The following ARHGAP39 variants were observed in gnomAD, a reference collection of about 807,000 sequenced individuals.
ARHGAP39 encodes the protein Rho GTPase activating protein 39.
A neutral mutation model predicts 106.9 loss-of-function variants in ARHGAP39; 44 were observed. The observed-to-expected ratio is 0.41, with a 90% confidence interval of 0.32 to 0.53. The LOEUF (loss-of-function observed/expected upper bound fraction) is 0.53, where lower values mean the gene tolerates loss of function less well. Ranked by LOEUF, ARHGAP39 falls within the 20% of genes least tolerant of loss-of-function variation. ARHGAP39 has a pLI of 0.21. For missense variants in ARHGAP39, 1,496 were observed against 1,577.3 expected (o/e 0.95, Z 0.87); for synonymous variants, 768 against 693.2 (o/e 1.11, Z -1.69).
At position 144,627,253 on chromosome 8, in the gene ARHGAP39, A is replaced by G. The variant is rs924144628; in HGVS notation, c.-81-21558T>C. On this transcript the variant is annotated intron_variant, in intron 1 of 11. Transcript: ENST00000377307. ...CAGCTGGTTGACCTTCCAGGCCACAATGCAAGAAAGGGGGTCCACTGGCCG... is the reference window on the plus strand; with the variant it reads ...CAGCTGGTTGACCTTCCAGGCCACAGTGCAAGAAAGGGGGTCCACTGGCCG... Among the ~76,000 whole-genome samples, 4 of 152,200 alleles carry G rather than the reference A, an allele frequency of 2.6e-5. 1 individual carries two copies. The highest frequency in any genetic ancestry group is 4.1e-4 in the South Asian group (2 of 4,830).
intron 6 of ARHGAP39, among the ~76,000 whole-genome samples, chr8:144,538,284 T>A (rs1817046196): frequency 6.6e-6 from 1 of 152,198 alleles, no homozygotes; most frequent in Admixed American, 6.5e-5. Context: ...CTGATCTGGG[T>A]CTGCCTCCCG....
chr8:144,694,872 C>T, the ARHGAP39 span, among the ~76,000 whole-genome samples: 1 of 152,062 alleles, frequency 6.6e-6, no homozygotes, highest in African/African-American at 2.4e-5. Flanking sequence ...GCAGGGATGT[C>T]GTAGGCAGGA....
At chr8:144,613,584 T>A (rs1820550905) in intron 1 of ARHGAP39, among the ~76,000 whole-genome samples, 1 of 152,168 alleles carries the variant, frequency 6.6e-6, no homozygotes, top group Non-Finnish European at 1.5e-5. Flanking sequence ...GTCATCTGTG[T>A]CTTTGTTCCT....
intron 3 of ARHGAP39, among the ~76,000 whole-genome samples, chr8:144,563,342 A>C (rs1818274788): frequency 6.6e-6 from 1 of 152,242 alleles, no homozygotes; most frequent in Non-Finnish European, 1.5e-5. Context: ...TTTGTCAGAA[A>C]TCAATGATAA....
At chr8:144,553,340 G>C (rs1586897703) in intron 4 of ARHGAP39, among the ~76,000 whole-genome samples, 1 of 152,196 alleles carries the variant, frequency 6.6e-6, no homozygotes, top group South Asian at 2.1e-4. Context: ...GGCAGATTCA[G>C]CTGGGTGCCT....
rs992149212 is a variant in ARHGAP39 at position 144,588,094 on chromosome 8, C to T, written c.81-6817G>A. Among the ~76,000 whole-genome samples the T allele has an allele frequency of 6.4e-4, 98 of 152,216 alleles. 1 individual carries two copies. The highest frequency in any genetic ancestry group is 9.8e-4 in the Admixed American group (15 of 15,282). On this transcript the variant is annotated intron_variant, in intron 2 of 11. Coordinates refer to ENST00000377307, the MANE Select transcript of ARHGAP39 (RefSeq NM_025251.3). ...ACGGAAACAGCTGGGGTAGACAGAG[C>T]CAGTGACGCTGCTGGCAGGGACACG... is the stretch of plus-strand genomic sequence containing the variant.
In ARHGAP39 at chr8:144,533,326, C is replaced by T. The variant is rs1477212178; in HGVS notation, c.2689-1G>A. On this transcript the variant is annotated splice_acceptor_variant, in intron 8 of 11. Transcript: ENST00000377307. LOFTEE classifies it high-confidence loss of function. ...CCTCCACGTTGGGCTTCTTCAGCCC[C>T]TGTGAAGACAGAGGCTCCGTCCTGG... is the stretch of plus-strand genomic sequence containing the variant. 6.2e-7 allele frequency: 1 copy of T among 1,612,268 alleles called. No individual in the cohort carries two copies. The highest frequency in any genetic ancestry group is 8.5e-7 in the Non-Finnish European group (1 of 1,179,630).
In ARHGAP39 at chr8:144,533,231, C is replaced by A; in HGVS notation, c.2783G>T (p.Gly928Val). 1.2e-6 allele frequency: 2 copies of A among 1,613,086 alleles called. No homozygotes were observed. Among genetic ancestry groups the A allele is most frequent in the Non-Finnish European group, 1.7e-6 (2 of 1,179,990 alleles). The change falls in exon 9 of 12, where the codon GGC (glycine) becomes GTC (valine). Residue 928 changes from glycine (G) to valine (V), a missense_variant. Transcript: ENST00000377307. Reference protein sequence around the residue: ...MFGSALQEVMGMQRERYPERQ... With the variant: ...MFGSALQEVMVMQRERYPERQ... Reference sequence around the variant, plus strand: ...CTCGGGGTAGCGCTCTCTCTGCATGCCCATGACCTCCTGCAGTGCGCTGCC... The same window carrying A: ...CTCGGGGTAGCGCTCTCTCTGCATGACCATGACCTCCTGCAGTGCGCTGCC...
Position 144,604,402 on chromosome 8 carries a change from G to T in ARHGAP39, c.80+1133C>A, listed in dbSNP as rs1165831311. On this transcript the variant is annotated intron_variant, in intron 2 of 11. Coordinates refer to ENST00000377307, the MANE Select transcript of ARHGAP39 (RefSeq NM_025251.3). This position sits in a 1 kb window ranked among gnomAD's most constrained non-coding sequence, Gnocchi z 4.1. ...TTTTACTTTATTTACTGTGACACGG[G>T]GGTCTCACGCAGTCGCTCAGGCCAG... is the stretch of plus-strand genomic sequence containing the variant. Among the ~76,000 whole-genome samples the T allele has an allele frequency of 3.9e-5, 6 of 152,128 alleles. No individual in the cohort carries two copies. Among genetic ancestry groups the T allele is most frequent in the Admixed American group, 2.0e-4 (3 of 15,272 alleles).
intron 2 of ARHGAP39, among the ~76,000 whole-genome samples, chr8:144,597,618 A>ATCCCGG (rs1819671153): frequency 1.3e-5 from 2 of 152,202 alleles, no homozygotes; most frequent in South Asian, 4.1e-4. Context: ...CAAGACTGTA[A>ATCCCGG]TCAATGGGGC....
At position 144,560,429 on chromosome 8, in the gene ARHGAP39, C is replaced by T. The variant is rs150482016; in HGVS notation, c.513-4786G>A. Among the ~76,000 whole-genome samples, 1,141 of 152,072 alleles carry T rather than the reference C, an allele frequency of 7.5e-3. 8 individuals are homozygous for T. The highest frequency in any genetic ancestry group is 0.026 in the African/African-American group (1,083 of 41,472). On this transcript the variant is annotated intron_variant, in intron 3 of 11. Coordinates refer to ENST00000377307, the MANE Select transcript of ARHGAP39 (RefSeq NM_025251.3). ...CAGCCTGGGCAACAAAACGAGACTC[C>T]GTCTCAAAAAAACAAAACAAAATAA...
the ARHGAP39 span, among the ~76,000 whole-genome samples, chr8:144,696,497 T>C: frequency 6.6e-6 from 1 of 152,322 alleles, no homozygotes; most frequent in African/African-American, 2.4e-5. Flanking sequence ...CATACAAGTC[T>C]TTTTCATTTT....
chr8:144,671,590 G>A lies in ARHGAP39; in HGVS notation c.-82+14096C>T, dbSNP rs962775576. ...CCGGCTCCGGCCACACATCCCTCCC[G>A]CCTGAGGCTCTTTCTGTGCCTGGTG... On this transcript the variant is annotated intron_variant, in intron 1 of 11. Coordinates refer to ENST00000377307, the MANE Select transcript of ARHGAP39 (RefSeq NM_025251.3). The surrounding 1 kb of genome is among the most constrained non-coding windows in gnomAD (Gnocchi z 4.5). Among the ~76,000 whole-genome samples, 1 of 152,156 alleles carries A rather than the reference G, an allele frequency of 6.6e-6. No homozygotes were observed. The highest frequency in any genetic ancestry group is 1.5e-5 in the Non-Finnish European group (1 of 68,022).
chr8:144,567,017 G>A (rs1325780697), intron 3 of ARHGAP39, among the ~76,000 whole-genome samples: 2 of 152,102 alleles, frequency 1.3e-5, no homozygotes, highest in East Asian at 1.9e-4. Context: ...CCCAGCAAAA[G>A]TAGCTTTCAA....
chr8:144,636,551 G>A (rs577316859), intron 1 of ARHGAP39, among the ~76,000 whole-genome samples: 1 of 152,336 alleles, frequency 6.6e-6, no homozygotes, highest in African/African-American at 2.4e-5. Flanking sequence ...CAGGAGGGCG[G>A]GACGCCTGGT....
chr8:144,619,158 C>A (rs1054372462), intron 1 of ARHGAP39, among the ~76,000 whole-genome samples: 1 of 152,212 alleles, frequency 6.6e-6, no homozygotes, highest in Non-Finnish European at 1.5e-5. Flanking sequence ...GGGCAACAGG[C>A]GCTTGCTTCC....
chr8:144,578,995 G>A (rs1238681894), intron 3 of ARHGAP39, among the ~76,000 whole-genome samples: 1 of 151,902 alleles, frequency 6.6e-6, no homozygotes, highest in Non-Finnish European at 1.5e-5. Context: ...GAGGTCAGGA[G>A]ATCAAGACCA....
intron 3 of ARHGAP39, among the ~76,000 whole-genome samples, chr8:144,567,557 C>G (rs113253652): frequency 0.042 from 6,404 of 150,908 alleles, 418 homozygotes; most frequent in African/African-American, 0.14. Flanking sequence ...GGCCTGACAT[C>G]AGTCAGGCTC....
upstream of ARHGAP39, among the ~76,000 whole-genome samples, chr8:144,688,587 A>G (rs1586660985): frequency 6.6e-6 from 1 of 152,344 alleles, no homozygotes; most frequent in East Asian, 1.9e-4. Context: ...GTCTACAAAA[A>G]GAAATTTTAA....
Sources: allele counts gnomAD v4.1 joint callset (sites outside exome capture counted in the v4.1 genomes callset), GRCh38; gene constraint gnomAD v4.1.1; non-coding constraint Gnocchi (gnomAD v3.1); transcripts MANE v1.5; gene names NCBI Gene and HGNC (gene_info 2026-07-23, HGNC 2026-07-21).